The following COL25A1 variants were observed in gnomAD, a reference collection of about 807,000 sequenced individuals.
COL25A1 encodes the protein collagen alpha-1(XXV) chain.
In COL25A1, 103 loss-of-function variants were observed where a neutral mutation model predicts 128.4. The observed-to-expected ratio is 0.80, with a 90% CI of 0.68 to 0.94. The LOEUF (loss-of-function observed/expected upper bound fraction) is 0.94. Among genes scored for constraint, COL25A1 ranks in the 40% least tolerant of loss-of-function variants. The probability of loss-of-function intolerance (pLI) is 0.00; values close to 1 mark genes in which losing one functional copy is unlikely to be tolerated. For synonymous variants in COL25A1, 279 were observed against 277.2 expected (o/e 1.01, Z -0.06); for missense variants, 745 against 840.0 (o/e 0.89, Z 1.40).
chr4:109,199,753 T>C (rs1776405060), intron 3 of COL25A1, among the ~76,000 whole-genome samples: 1 of 152,156 alleles, frequency 6.6e-6, no homozygotes, highest in Admixed American at 6.6e-5. Context: ...GGGACTTCAT[T>C]TGGTCAACGA....
intron 6 of COL25A1, among the ~76,000 whole-genome samples, chr4:109,005,622 T>C (rs1198685365): frequency 6.6e-6 from 1 of 152,164 alleles, no homozygotes; most frequent in Non-Finnish European, 1.5e-5. Context: ...AATAGTGTCT[T>C]AATGAAAAAT....
At chr4:109,297,599 T>G (rs1235909250) in intron 3 of COL25A1, among the ~76,000 whole-genome samples, 1 of 152,112 alleles carries the variant, frequency 6.6e-6, no homozygotes, top group Non-Finnish European at 1.5e-5. Flanking sequence ...AATCTACAGA[T>G]ACATTTGTTT....
Position 108,810,422 on chromosome 4 carries a change from C to G in COL25A1, c.*3505G>C, listed in dbSNP as rs1730702710. 1.3e-5 allele frequency: 2 copies of G among 151,836 alleles called. No homozygotes were observed. Among genetic ancestry groups the G allele is most frequent in the Non-Finnish European group, 2.9e-5 (2 of 67,818 alleles). 9.4% of individuals were successfully genotyped at this position (151,836 alleles called of 1,614,324 possible). A position where few individuals can be genotyped will look rare whatever the true frequency, so the allele number is the denominator to read the frequency against. ...TATGCACAGAATGTAAATTCAAAAA[C>G]AAGACCTTTCTTCTGGTAGGAATTA... On this transcript the variant is annotated 3_prime_UTR_variant, in exon 38 of 38. Transcript: ENST00000399132.
intron 11 of COL25A1, among the ~76,000 whole-genome samples, chr4:108,925,766 T>G (rs1372406612): frequency 6.6e-6 from 1 of 152,188 alleles, no homozygotes; most frequent in Non-Finnish European, 1.5e-5. Context: ...TGCTGGCCTA[T>G]TCTAATAGCC....
chr4:109,217,659 G>A (rs762148640), intron 3 of COL25A1, among the ~76,000 whole-genome samples: 3 of 152,106 alleles, frequency 2.0e-5, no homozygotes, highest in Non-Finnish European at 2.9e-5. Context: ...ACAACCTCCC[G>A]AGGATACCAT....
Position 109,211,298 on chromosome 4 carries a change from A to ATGAAAC in COL25A1, c.367+89284_367+89285insGTTTCA, listed in dbSNP as rs1212556960. ...ACTATATATATATGAAACTATATAT[A>ATGAAAC]TATATATATATATATATATATATAT... On this transcript the variant is annotated intron_variant, in intron 3 of 37. Coordinates refer to ENST00000399132, the MANE Select transcript of COL25A1 (RefSeq NM_198721.4). 5.3e-3 allele frequency among the ~76,000 whole-genome samples: 243 copies of ATGAAAC among 46,212 alleles called. 3 individuals are homozygous for ATGAAAC. In the South Asian group the frequency reaches 0.074, roughly 14 times the overall value. 30.3% of individuals were successfully genotyped at this position (46,212 alleles called of 152,430 possible). A position where few individuals can be genotyped will look rare whatever the true frequency, so the allele number is the denominator to read the frequency against.
chr4:109,301,597 T>G lies in COL25A1; in HGVS notation c.297+126A>C, dbSNP rs934782225. 3.8e-6 allele frequency: 4 copies of G among 1,040,500 alleles called. No homozygotes were observed. The East Asian group carries it at 9.6e-5, about 25-fold the overall frequency. 64.5% of individuals were successfully genotyped at this position (1,040,500 alleles called of 1,614,324 possible). A position where few individuals can be genotyped will look rare whatever the true frequency, so the allele number is the denominator to read the frequency against. ...TGAGCATAGATCCTTGGCCAACACA[T>G]GCACGCGCGCGCACACACACAGCCA... On this transcript the variant is annotated intron_variant, in intron 2 of 37. Coordinates refer to ENST00000399132, the MANE Select transcript of COL25A1 (RefSeq NM_198721.4).
intron 3 of COL25A1, among the ~76,000 whole-genome samples, chr4:109,220,789 A>G (rs1472620522): frequency 2.0e-5 from 3 of 152,148 alleles, no homozygotes; most frequent in Admixed American, 2.0e-4. Context: ...TAGTACTCAA[A>G]CATACTATGA....
At chr4:109,237,749 C>T (rs1056139266) in intron 3 of COL25A1, among the ~76,000 whole-genome samples, 1 of 151,646 alleles carries the variant, frequency 6.6e-6, no homozygotes, top group Non-Finnish European at 1.5e-5. Context: ...TGTTGTACAA[C>T]CATCACTACC....
intron 37 of COL25A1, among the ~76,000 whole-genome samples, chr4:108,815,640 AAGG>A (rs1257765795): frequency 1.3e-5 from 2 of 152,202 alleles, no homozygotes; most frequent in East Asian, 1.9e-4. Flanking sequence ...TCTGTGGAAA[AAGG>A]AGTATTTAAA....
At chr4:109,048,647 T>A (rs1038820683) in intron 4 of COL25A1, among the ~76,000 whole-genome samples, 8 of 152,160 alleles carry the variant, frequency 5.3e-5, no homozygotes, top group South Asian at 2.1e-4. Flanking sequence ...AAAGACTAGG[T>A]CCTCACGTTT....
At chr4:109,253,561 C>T (rs1160610690) in intron 3 of COL25A1, among the ~76,000 whole-genome samples, 6 of 152,146 alleles carry the variant, frequency 3.9e-5, no homozygotes, top group Admixed American at 1.3e-4. Flanking sequence ...GTAATAGACA[C>T]ATCCAGAAAA....
Position 109,203,144 on chromosome 4 carries a change from A to T in COL25A1, c.367+97439T>A, listed in dbSNP as rs933961585. On this transcript the variant is annotated intron_variant, in intron 3 of 37. Coordinates refer to ENST00000399132, the MANE Select transcript of COL25A1 (RefSeq NM_198721.4). The stretch of plus-strand genomic sequence containing the variant: ...ACCATACCATACTGAAATTTCAGAA[A>T]ATTGTAGTCAAAGGAAGCTTCACAA... 3.3e-5 allele frequency among the ~76,000 whole-genome samples: 5 copies of T among 152,114 alleles called. No individual in the cohort carries two copies. In the South Asian group the frequency reaches 1.0e-3, roughly 32 times the overall value.
chr4:109,235,051 A>T (rs1366328929), intron 3 of COL25A1, among the ~76,000 whole-genome samples: 3 of 152,064 alleles, frequency 2.0e-5, no homozygotes, highest in Non-Finnish European at 4.4e-5. Flanking sequence ...CCCAGCAGTC[A>T]CTGTTTGGGT....
intron 3 of COL25A1, among the ~76,000 whole-genome samples, chr4:109,135,445 T>G (rs1769643129): frequency 6.6e-6 from 1 of 152,174 alleles, no homozygotes; most frequent in Non-Finnish European, 1.5e-5. Flanking sequence ...CATACTGCTA[T>G]GTCCCTATTT....
chr4:109,217,645 TTCCAC>T (rs1447705606), intron 3 of COL25A1, among the ~76,000 whole-genome samples: 52 of 152,284 alleles, frequency 3.4e-4, no homozygotes, highest in African/African-American at 1.2e-3. Flanking sequence ...GAGGGATTGG[TTCCAC>T]AACCTCCCGA....
At chr4:109,095,698 C>A (rs1765333544) in intron 3 of COL25A1, among the ~76,000 whole-genome samples, 1 of 152,162 alleles carries the variant, frequency 6.6e-6, no homozygotes, top group African/African-American at 2.4e-5. Context: ...GAATTATTTT[C>A]AATAACATAG....
Position 109,264,654 on chromosome 4 carries a change from G to A in COL25A1, c.367+35929C>T, listed in dbSNP as rs115850514. On this transcript the variant is annotated intron_variant, in intron 3 of 37. Coordinates refer to ENST00000399132, the MANE Select transcript of COL25A1 (RefSeq NM_198721.4). ...CTGGGCGAAGAGCAGATTCAGTGGG[G>A]AATGGGGAATGATAGATTCAGTCTG... 5.7e-3 allele frequency among the ~76,000 whole-genome samples: 865 copies of A among 152,308 alleles called. 3 individuals are homozygous for A. Among genetic ancestry groups the A allele is most frequent in the Admixed American group, 0.016 (242 of 15,298 alleles).
intron 11 of COL25A1, among the ~76,000 whole-genome samples, chr4:108,929,156 C>T (rs1746430970): frequency 6.6e-6 from 1 of 152,082 alleles, no homozygotes; most frequent in Admixed American, 6.6e-5. Context: ...CCAAGTCTCG[C>T]TCTGTCACCC....
Sources: allele counts gnomAD v4.1 joint callset (sites outside exome capture counted in the v4.1 genomes callset), GRCh38; gene constraint gnomAD v4.1.1; transcripts MANE v1.5; gene names NCBI Gene and HGNC (gene_info 2026-07-23, HGNC 2026-07-21).